Variants in GPX6 observed in about 807,000 individuals in gnomAD.
GPX6 encodes the protein glutathione peroxidase 6 (olfactory).
A neutral mutation model predicts 20.0 loss-of-function variants in GPX6; 21 were observed. The ratio of observed to expected loss-of-function variants is 1.05; its 90% confidence interval spans 0.74 to 1.51. The LOEUF (loss-of-function observed/expected upper bound fraction) is 1.51. Ranked by LOEUF, GPX6 falls within the 40% of genes most tolerant of loss-of-function variation. GPX6 has a pLI of 0.00. For missense variants in GPX6, 233 were observed against 254.7 expected, an observed-to-expected ratio of 0.91 and a Z score of 0.58; for synonymous variants, 75 against 98.0, an observed-to-expected ratio of 0.77 and a Z score of 1.38.
At chr6:28,515,334 C>T (rs1205641420) in intron 1 of GPX6, among the ~76,000 whole-genome samples, 1 of 152,140 alleles carries the variant, frequency 6.6e-6, no homozygotes, top group Non-Finnish European at 1.5e-5. Context: ...AAGTTATGGA[C>T]CAGCATGAAG....
intron 1 of GPX6, among the ~76,000 whole-genome samples, chr6:28,512,662 A>T (rs1762909652): frequency 6.6e-6 from 1 of 152,048 alleles, no homozygotes; most frequent in Non-Finnish European, 1.5e-5. Context: ...ACACTGTGGG[A>T]GCTTTGTTCT....
intron 1 of GPX6, among the ~76,000 whole-genome samples, chr6:28,511,323 T>C (rs35783480): frequency 0.014 from 2,172 of 152,330 alleles, 23 homozygotes; most frequent in African/African-American, 0.024. Context: ...ATATTGTAAT[T>C]CCTGTCCCCC....
Position 28,506,418 on chromosome 6 carries a change from G to A in GPX6, c.253C>T (p.Leu85=), listed in dbSNP as rs1356617565. Residue 85 remains leucine (L), a synonymous_variant, in exon 3 of 5, where the codon CTA becomes TTA. Transcript: ENST00000361902. ...CCAAAATTCTTCAGCTCCTCCTGTA[G>A]TGCATTCAGTTCTGTAAGTGGACAA... ...LAAQYPELNA[L]QEELKNFGVI... 3 of 1,606,930 alleles carry A rather than the reference G, an allele frequency of 1.9e-6. No homozygotes were observed. Among genetic ancestry groups the A allele is most frequent in the Non-Finnish European group, 2.6e-6 (3 of 1,173,414 alleles).
At chr6:28,511,015 A>G in intron 1 of GPX6, 111 bp from the exon 2 acceptor site, 2 of 896,780 alleles carry the variant, frequency 2.2e-6, no homozygotes, top group Non-Finnish European at 3.2e-6. Flanking sequence ...TTGAAATTCT[A>G]AGAACTGAAG....
At chr6:28,513,002 C>T (rs560251360) in intron 1 of GPX6, among the ~76,000 whole-genome samples, 4 of 152,080 alleles carry the variant, frequency 2.6e-5, no homozygotes, top group African/African-American at 9.6e-5. Context: ...GGGTTTCATT[C>T]TTGAAGTCAG....
chr6:28,513,859 TATC>T (rs1047033492), intron 1 of GPX6, among the ~76,000 whole-genome samples: 6 of 152,188 alleles, frequency 3.9e-5, no homozygotes, highest in African/African-American at 1.2e-4. Flanking sequence ...AGAAACTCTT[TATC>T]ATCTTCTGAG....
intron 3 of GPX6, 34 bp downstream of exon 3, chr6:28,506,278 C>A: frequency 7.8e-7 from 1 of 1,278,956 alleles, no homozygotes; most frequent in South Asian, 1.2e-5. Context: ...GAAATCCCGA[C>A]AGGGCATCTG....
In GPX6 at chr6:28,504,450, A is replaced by G. The variant is rs761259881; in HGVS notation, c.508T>C (p.Phe170Leu). 6.2e-6 allele frequency: 10 copies of G among 1,614,076 alleles called. No individual in the cohort carries two copies. The highest frequency in any genetic ancestry group is 1.1e-5 in the South Asian group (1 of 91,086). ...TCATGGACCTTCATGGGCTCCCAGA[A>G]GAGTTGGCTTGATGAGCCCAAAAGA... is the stretch of plus-strand genomic sequence containing the variant. ...SDLLGSSSQL[F>L]WEPMKVHDIR... Residue 170 changes from phenylalanine to leucine, a missense_variant, in exon 5 of 5, where the codon TTC (phenylalanine) becomes CTC (leucine). Physicochemically the swap from Phe to Leu is conservative, Grantham distance 22. Coordinates refer to ENST00000361902, the MANE Select transcript of GPX6 (RefSeq NM_182701.1).
intron 1 of GPX6, among the ~76,000 whole-genome samples, chr6:28,513,063 C>T (rs988201092): frequency 6.6e-6 from 1 of 152,196 alleles, no homozygotes; most frequent in Non-Finnish European, 1.5e-5. Flanking sequence ...CACTGGAAGG[C>T]CATTGACAGC....
At chr6:28,510,947 A>C in intron 1 of GPX6, 43 bp from the exon 2 acceptor site, 2 of 1,531,902 alleles carry the variant, frequency 1.3e-6, no homozygotes, top group Non-Finnish European at 8.9e-7. Flanking sequence ...AAGATAAAAA[A>C]TAATTCCCAA....
intron 1 of GPX6, among the ~76,000 whole-genome samples, chr6:28,513,312 G>A (rs189868671): frequency 3.2e-4 from 48 of 152,278 alleles, no homozygotes; most frequent in African/African-American, 1.2e-3. Context: ...GCTGAACTAA[G>A]AGCACCCTGT....
intron 1 of GPX6, among the ~76,000 whole-genome samples, chr6:28,512,933 C>G (rs1292838859): frequency 1.3e-5 from 2 of 152,154 alleles, no homozygotes; most frequent in African/African-American, 4.8e-5. Context: ...AAGGAACAAA[C>G]TCTGAACACA....
intron 1 of GPX6, among the ~76,000 whole-genome samples, chr6:28,514,150 TCAC>T (rs1361659904): frequency 6.6e-6 from 1 of 152,212 alleles, no homozygotes; most frequent in African/African-American, 2.4e-5. Flanking sequence ...CACACGGAAA[TCAC>T]CATGTGAGCT....
At chr6:28,506,063 C>T (rs1028495372) in intron 3 of GPX6, among the ~76,000 whole-genome samples, 1 of 152,222 alleles carries the variant, frequency 6.6e-6, no homozygotes, top group African/African-American at 2.4e-5. Flanking sequence ...ATTTCTTATA[C>T]TCCCTTCTTT....
At position 28,506,391 on chromosome 6, in the gene GPX6, C is replaced by T; in HGVS notation, c.280G>A (p.Val94Ile). The stretch of plus-strand genomic sequence containing the variant: ...TTGCAGGGAAAGGCCAACACAATGA[C>T]ACCAAAATTCTTCAGCTCCTCCTGT... The part of the protein sequence containing the change: ...ALQEELKNFG[V>I]IVLAFPCNQF... Residue 94 changes from valine (V) to isoleucine (I), a missense_variant, in exon 3 of 5, where the codon GTC becomes ATC. Coordinates refer to ENST00000361902, the MANE Select transcript of GPX6 (RefSeq NM_182701.1). 6.2e-7 allele frequency: 1 copy of T among 1,613,770 alleles called. No individual in the cohort carries two copies. The highest frequency in any genetic ancestry group is 8.5e-7 in the Non-Finnish European group (1 of 1,179,682).
Position 28,505,693 on chromosome 6 carries a change from A to G in GPX6, c.459+10T>C. On this transcript the variant is annotated intron_variant, in intron 4 of 4. Transcript: ENST00000361902. The stretch of plus-strand genomic sequence containing the variant: ...GCTAACCCATCCATGCCAGGTTTAT[A>G]CTCATGCACCTTCAGGAAAGTAAAG... The G allele has an allele frequency of 1.2e-6, 2 of 1,605,370 alleles. No homozygotes were observed. The highest frequency in any genetic ancestry group is 1.7e-6 in the Non-Finnish European group (2 of 1,172,176).
chr6:28,511,898 C>T (rs1287735434), intron 1 of GPX6, among the ~76,000 whole-genome samples: 2 of 152,240 alleles, frequency 1.3e-5, no homozygotes, highest in Non-Finnish European at 2.9e-5. Context: ...GCGCGAATTC[C>T]ACGTGGGAGT....
intron 1 of GPX6, among the ~76,000 whole-genome samples, chr6:28,512,117 G>A (rs1316608753): frequency 6.6e-6 from 1 of 152,240 alleles, no homozygotes; most frequent in Non-Finnish European, 1.5e-5. Flanking sequence ...GACGAGCACC[G>A]CCCCCTGCTC....
chr6:28,507,311 A>G (rs1416421832), intron 2 of GPX6, among the ~76,000 whole-genome samples: 9 of 152,176 alleles, frequency 5.9e-5, no homozygotes, highest in African/African-American at 1.7e-4. Flanking sequence ...CTGTTTTTCT[A>G]TAGTTCTTCG....
Sources: allele counts gnomAD v4.1 joint callset (sites outside exome capture counted in the v4.1 genomes callset), GRCh38; gene constraint gnomAD v4.1.1; transcripts MANE v1.5; gene names NCBI Gene and HGNC (gene_info 2026-07-23, HGNC 2026-07-21).